Variants in CHRDL2 observed in about 807,000 individuals in gnomAD.
CHRDL2 encodes the protein chordin-like protein 2.
CHRDL2 carries 41 observed loss-of-function variants against 54.3 expected under a neutral mutation model. That is an observed-to-expected ratio of 0.76 (90% confidence interval 0.59 to 0.98). CHRDL2 has a LOEUF of 0.98. CHRDL2 is among the 50% of genes least tolerant of loss of function. The pLI is 0.00. For synonymous variants in CHRDL2, 220 were observed against 224.3 expected, an observed-to-expected ratio of 0.98 and a Z score of 0.17; for missense variants, 518 against 562.4, an observed-to-expected ratio of 0.92 and a Z score of 0.80.
intron 9 of CHRDL2, among the ~76,000 whole-genome samples, chr11:74,700,634 A>ATTT (rs1457711623): frequency 2.9e-5 from 4 of 139,762 alleles, no homozygotes; most frequent in African/African-American, 1.1e-4. Flanking sequence ...TATTATTATT[A>ATTT]TTATTATTAT....
intron 1 of CHRDL2, among the ~76,000 whole-genome samples, chr11:74,723,456 G>A (rs2034527264): frequency 6.6e-6 from 1 of 152,170 alleles, no homozygotes; most frequent in Non-Finnish European, 1.5e-5. Flanking sequence ...TTCACAAATA[G>A]AAGATTCATC....
chr11:74,730,993 GA>G lies in CHRDL2; in HGVS notation c.-106del. 1 of 901,430 alleles carries G rather than the reference GA, an allele frequency of 1.1e-6. No individual in the cohort carries two copies. Among genetic ancestry groups the G allele is most frequent in the Non-Finnish European group, 1.7e-6 (1 of 590,742 alleles). The allele number at this position is 901,430 out of a possible 1,614,324, so 55.8% of individuals were successfully genotyped here. On this transcript the variant is annotated 5_prime_UTR_variant, in exon 1 of 11. Coordinates refer to ENST00000376332, the MANE Select transcript of CHRDL2 (RefSeq NM_001278473.3). ...CCACAGATCAACCCACAGACCCCAG[GA>G]GGTCTGCTGCTAGAGCGGGGTCGGA... is the stretch of plus-strand genomic sequence containing the variant.
chr11:74,709,482 C>G (rs894656222), intron 4 of CHRDL2, among the ~76,000 whole-genome samples: 1 of 152,204 alleles, frequency 6.6e-6, no homozygotes, highest in African/African-American at 2.4e-5. Context: ...CGGGTACTGT[C>G]TATAAACCAG....
Position 74,715,625 on chromosome 11 carries a change from GA to G in CHRDL2, c.196-2147del, listed in dbSNP as rs907650374. Among the ~76,000 whole-genome samples, 1,267 of 141,202 alleles carry G rather than the reference GA, an allele frequency of 9.0e-3. 24 individuals are homozygous for G. Among genetic ancestry groups the G allele is most frequent in the African/African-American group, 0.031 (1,196 of 38,322 alleles). 92.6% of individuals were successfully genotyped at this position (141,202 alleles called of 152,430 possible). A position where few individuals can be genotyped will look rare whatever the true frequency, so the allele number is the denominator to read the frequency against. On this transcript the variant is annotated intron_variant, in intron 2 of 10. Coordinates refer to ENST00000376332, the MANE Select transcript of CHRDL2 (RefSeq NM_001278473.3). ...CTCAAAAAAAAAGAAAAAAGAAAAAGAAAAAAAAAAGTAAGCAAGTAGGAAC... is the reference window on the plus strand; with the variant it reads ...CTCAAAAAAAAAGAAAAAAGAAAAAGAAAAAAAAAGTAAGCAAGTAGGAAC...
At chr11:74,705,920 T>C (rs145750988) in intron 6 of CHRDL2, among the ~76,000 whole-genome samples, 6 of 151,686 alleles carry the variant, frequency 4.0e-5, no homozygotes, top group African/African-American at 1.5e-4. Context: ...GCAGGTGGAG[T>C]TGTTCATGTG....
chr11:74,703,240 C>T, intron 8 of CHRDL2, 65 bp downstream of exon 8: 1 of 1,515,030 alleles, frequency 6.6e-7, no homozygotes, highest in East Asian at 2.3e-5. Flanking sequence ...GTCTGTGGCC[C>T]TGGGGAGAGA....
chr11:74,725,819 G>C (rs1383266391), intron 1 of CHRDL2, among the ~76,000 whole-genome samples: 4 of 152,178 alleles, frequency 2.6e-5, no homozygotes, highest in African/African-American at 9.7e-5. Flanking sequence ...CAGGAAACCT[G>C]AGTGAGCCAG....
chr11:74,704,031 C>T (rs1409749049), intron 7 of CHRDL2, among the ~76,000 whole-genome samples: 1 of 152,234 alleles, frequency 6.6e-6, no homozygotes, highest in Non-Finnish European at 1.5e-5. Flanking sequence ...CTCCTGCAGC[C>T]TCGCTCTGCT....
intron 8 of CHRDL2, 118 bp downstream of exon 8, chr11:74,703,187 G>T: frequency 8.1e-7 from 1 of 1,238,480 alleles, no homozygotes. Context: ...CCTGCATCCT[G>T]TGGCACCGAT....
intron 3 of CHRDL2, among the ~76,000 whole-genome samples, chr11:74,711,651 G>A (rs929958665): frequency 6.6e-6 from 1 of 152,140 alleles, no homozygotes; most frequent in East Asian, 1.9e-4. Context: ...GGAGCAATGA[G>A]TAAGATTTAG....
chr11:74,728,194 C>G (rs1010315738), intron 1 of CHRDL2, among the ~76,000 whole-genome samples: 1 of 152,160 alleles, frequency 6.6e-6, no homozygotes, highest in Admixed American at 6.5e-5. Flanking sequence ...TACCTGTGTT[C>G]ACAGGCCCTT....
intron 9 of CHRDL2, chr11:74,701,777 T>C (rs544731463): frequency 1.8e-6 from 1 of 552,240 alleles, no homozygotes; most frequent in Non-Finnish European, 3.3e-6. Flanking sequence ...TCATTTTTCT[T>C]ATCATCATTC....
chr11:74,702,992 G>A (rs2033880193), intron 8 of CHRDL2, 25 bp from the exon 9 acceptor site: 1 of 1,581,242 alleles, frequency 6.3e-7, no homozygotes, highest in Non-Finnish European at 8.6e-7. Flanking sequence ...AGCTCATGAA[G>A]TGTTCAATAA....
At position 74,703,381 on chromosome 11, in the gene CHRDL2, C is replaced by G; in HGVS notation, c.870G>C (p.Gln290His). 4 of 1,613,702 alleles carry G rather than the reference C, an allele frequency of 2.5e-6. No homozygotes were observed. Among genetic ancestry groups the G allele is most frequent in the Non-Finnish European group, 3.4e-6 (4 of 1,179,946 alleles). The change falls in exon 8 of 11, where the codon CAG (glutamine) becomes CAC (histidine). Residue 290 changes from glutamine to histidine, a missense_variant. Transcript: ENST00000376332. The stretch of plus-strand genomic sequence containing the variant: ...GGTACTCGGTGGGACAGGTCACACG[C>G]TGGCAGTCCTGGCGGCCATCCTCAC... The part of the protein sequence containing the change: ...CTCEDGRQDC[Q>H]RVTCPTEYPC...
chr11:74,708,292 A>ACTCTC lies in CHRDL2; in HGVS notation c.526+9_526+10insGAGAG, dbSNP rs1380208047. 1 of 1,553,454 alleles carries ACTCTC rather than the reference A, an allele frequency of 6.4e-7. No homozygotes were observed. The highest frequency in any genetic ancestry group is 1.9e-5 in the Admixed American group (1 of 51,362). ...TGGGTGAGTGCTGCCAGATGGAGGG[A>ACTCTC]CAGACTCACCTTTGCAGGCCTGGCA... is the stretch of plus-strand genomic sequence containing the variant. On this transcript the variant is annotated intron_variant, in intron 5 of 10. Transcript: ENST00000376332.
intron 9 of CHRDL2, among the ~76,000 whole-genome samples, chr11:74,701,995 T>C (rs1429923216): frequency 2.6e-5 from 4 of 152,194 alleles, no homozygotes; most frequent in African/African-American, 9.7e-5. Flanking sequence ...GGCTCACGCC[T>C]GTAATCCCAG....
chr11:74,707,630 ACT>A (rs2034053660), intron 5 of CHRDL2, among the ~76,000 whole-genome samples: 1 of 151,960 alleles, frequency 6.6e-6, no homozygotes, highest in Admixed American at 6.6e-5. Context: ...CTCACGTGCC[ACT>A]TATGGTTCTC....
intron 1 of CHRDL2, among the ~76,000 whole-genome samples, chr11:74,720,623 A>G (rs974387259): frequency 1.3e-5 from 2 of 152,204 alleles, no homozygotes; most frequent in African/African-American, 4.8e-5. Flanking sequence ...TCCAGAGTCA[A>G]GCGTCTTAGA....
intron 9 of CHRDL2, among the ~76,000 whole-genome samples, chr11:74,700,361 T>C (rs549224125): frequency 2.0e-5 from 3 of 152,184 alleles, no homozygotes; most frequent in South Asian, 4.1e-4. Flanking sequence ...TCTTTATTTA[T>C]TTACTTACTT....
Sources: gnomAD v4.1 joint callset for allele counts (sites outside exome capture counted in the v4.1 genomes callset) on GRCh38, gnomAD v4.1.1 for gene constraint, MANE v1.5 for transcripts, NCBI Gene and HGNC (gene_info 2026-07-23, HGNC 2026-07-21) for gene names.